Variants in ZNF777 observed in about 807,000 individuals in gnomAD.
ZNF777 encodes the protein zinc finger protein 777.
ZNF777 carries 7 observed loss-of-function variants against 72.1 expected under a neutral mutation model. That is an observed-to-expected ratio of 0.10 (90% CI 0.06 to 0.18). The LOEUF (loss-of-function observed/expected upper bound fraction) is 0.18. ZNF777 is among the 10% of genes least tolerant of loss of function. ZNF777 has a pLI of 1.00. For missense variants in ZNF777, 828 were observed against 1,128.6 expected (o/e 0.73, Z 3.82); for synonymous variants, 545 against 483.5 (o/e 1.13, Z -1.67).
At position 149,448,579 on chromosome 7, in the gene ZNF777, C is replaced by CA. The variant is rs1799655181; in HGVS notation, c.1087+2419_1087+2420insT. Among the ~76,000 whole-genome samples the CA allele has an allele frequency of 2.4e-4, 28 of 115,056 alleles. No homozygotes were observed. In the South Asian group the frequency reaches 6.1e-3, roughly 25 times the overall value. 75.5% of individuals were successfully genotyped at this position (115,056 alleles called of 152,430 possible). ...TATAGTTATATAGTTATACATATAA[C>CA]TATATATATATATATATATATATAT... is the stretch of plus-strand genomic sequence containing the variant. On this transcript the variant is annotated intron_variant, in intron 4 of 5. Coordinates refer to ENST00000247930, the MANE Select transcript of ZNF777 (RefSeq NM_015694.3).
At position 149,431,768 on chromosome 7, in the gene ZNF777, G is replaced by C. The variant is rs1226670060; in HGVS notation, c.*8C>G. On this transcript the variant is annotated 3_prime_UTR_variant, in exon 6 of 6. Coordinates refer to ENST00000247930, the MANE Select transcript of ZNF777 (RefSeq NM_015694.3). ...CACCTGGCCGGGCGGCGGCGGCGGGGCGCGCGCTCACTCGCCCGTGTGGGT... is the reference window on the plus strand; with the variant it reads ...CACCTGGCCGGGCGGCGGCGGCGGGCCGCGCGCTCACTCGCCCGTGTGGGT... The C allele has an allele frequency of 6.5e-7, 1 of 1,544,262 alleles. No individual in the cohort carries two copies. Among genetic ancestry groups the C allele is most frequent in the South Asian group, 1.2e-5 (1 of 84,500 alleles).
At chr7:149,459,758 G>A in intron 1 of ZNF777, 1 of 985,060 alleles carries the variant, frequency 1.0e-6, no homozygotes, top group East Asian at 1.1e-4. Context: ...GCCGCGCCCG[G>A]GCCGGGGAAG....
At chr7:149,451,213 G>A (rs752353203) in intron 3 of ZNF777, 101 bp from the exon 4 acceptor site, 12 of 1,032,438 alleles carry the variant, frequency 1.2e-5, no homozygotes, top group Admixed American at 4.0e-5. Context: ...GCAGCTCCTC[G>A]ACTGGAGACC....
Position 149,431,796 on chromosome 7 carries a change from G to A in ZNF777, c.2476C>T (p.Arg826Trp). The change falls in exon 6 of 6, where the codon CGG becomes TGG. Residue 826 changes from arginine to tryptophan, a missense_variant. Coordinates refer to ENST00000247930, the MANE Select transcript of ZNF777 (RefSeq NM_015694.3). ...CGCGCTCACTCGCCCGTGTGGGTCC[G>A]CAGGTGGTACTTGAGCGACTGCTTG... is the stretch of plus-strand genomic sequence containing the variant. ...RYKQSLKYHL[R>W]THTGE 2 of 1,597,234 alleles carry A rather than the reference G, an allele frequency of 1.3e-6. No individual in the cohort carries two copies. The highest frequency in any genetic ancestry group is 8.5e-7 in the Non-Finnish European group (1 of 1,177,696).
chr7:149,453,466 C>T (rs1430013413), intron 3 of ZNF777, among the ~76,000 whole-genome samples: 3 of 152,044 alleles, frequency 2.0e-5, no homozygotes, highest in African/African-American at 4.8e-5. Flanking sequence ...TACACACACA[C>T]ATATATATAT....
chr7:149,432,691 G>A lies in ZNF777; in HGVS notation c.1581C>T (p.Ser527=), dbSNP rs780645576. The change falls in exon 6 of 6, where the codon AGC becomes AGT. Residue 527 remains serine (S), a synonymous_variant. Transcript: ENST00000247930. ...GCTGGCTCGAGGCCCCGCGGTTCTC[G>A]CTCAGGTGCCGCTCACCGTGCACGG... is the stretch of plus-strand genomic sequence containing the variant. The part of the protein sequence containing the change: ...APSVHGERHL[S]ENRGASSQQQ... 5.0e-6 allele frequency: 8 copies of A among 1,612,730 alleles called. No individual in the cohort carries two copies. Among genetic ancestry groups the A allele is most frequent in the Non-Finnish European group, 6.8e-6 (8 of 1,179,600 alleles).
rs750432414 is a variant in ZNF777, at chr7:149,436,813, G to C, written c.1101C>G (p.Ile367Met). 1 of 1,610,554 alleles carries C rather than the reference G, an allele frequency of 6.2e-7. No homozygotes were observed. ...PTDPSAAHDG[I>M]VIKIEVQTND... ...TGGTCTGTACCTCGATCTTAATCAC[G>C]ATCCCATCGTGCGCTGAGAGAGGGT... The change falls in exon 5 of 6, where the codon ATC becomes ATG. Residue 367 changes from isoleucine (I) to methionine (M), a missense_variant. By Grantham distance (10) the Ile-to-Met change is conservative. Coordinates refer to ENST00000247930, the MANE Select transcript of ZNF777 (RefSeq NM_015694.3). This position sits in a 1 kb window ranked among gnomAD's most constrained non-coding sequence, Gnocchi z 5.0.
At chr7:149,435,336 A>G (rs1387531974) in intron 5 of ZNF777, among the ~76,000 whole-genome samples, 1 of 152,010 alleles carries the variant, frequency 6.6e-6, no homozygotes, top group Non-Finnish European at 1.5e-5. Flanking sequence ...ATTCCCGGCT[A>G]ATTTTTAATT....
chr7:149,459,717 C>A (rs1224419653), intron 1 of ZNF777: 1 of 985,014 alleles, frequency 1.0e-6, no homozygotes, highest in Non-Finnish European at 1.2e-6. Context: ...CTCAGTGTCT[C>A]CGTTCTGCGA....
Position 149,455,408 on chromosome 7 carries a change from C to A in ZNF777, c.615G>T (p.Arg205Ser). 6.2e-7 allele frequency: 1 copy of A among 1,614,234 alleles called. No individual in the cohort carries two copies. The highest frequency in any genetic ancestry group is 8.5e-7 in the Non-Finnish European group (1 of 1,180,050). ...VERKLEAQAM[R>S]LLTLEGRTGT... ...CCGTCCTGCCTTCCAGGGTCAGTAG[C>A]CTCATGGCCTGGGCCTCCAGCTTCC... The change falls in exon 2 of 6, where the codon AGG becomes AGT. Residue 205 changes from arginine (R) to serine (S), a missense_variant. This residue lies in a region of ZNF777 where 76 missense variants were observed against 157.3 expected (regional missense o/e 0.48). Transcript: ENST00000247930. This position sits in a 1 kb window ranked among gnomAD's most constrained non-coding sequence, Gnocchi z 4.2.
At chr7:149,449,492 A>G (rs1262920353) in intron 4 of ZNF777, among the ~76,000 whole-genome samples, 1 of 152,230 alleles carries the variant, frequency 6.6e-6, no homozygotes, top group Admixed American at 6.5e-5. Context: ...AGCCCTTCCA[A>G]GAAAATTCTA....
At chr7:149,446,850 C>T (rs547781077) in intron 4 of ZNF777, among the ~76,000 whole-genome samples, 11 of 152,312 alleles carry the variant, frequency 7.2e-5, no homozygotes, top group African/African-American at 2.4e-4. Flanking sequence ...AAGGTACCAA[C>T]GTTTGTCTTC....
In ZNF777 at chr7:149,455,904, G is replaced by C; in HGVS notation, c.119C>G (p.Pro40Arg). The part of the protein sequence containing the change: ...ETLFQSRVLP[P>R]KEIPSLSPTI... ...GGGAGACAAAGAAGGAATTTCTTTGGGAGGAAGAACGCGGGATTGGAACAG... is the reference window on the plus strand; with the variant it reads ...GGGAGACAAAGAAGGAATTTCTTTGCGAGGAAGAACGCGGGATTGGAACAG... Residue 40 changes from proline (P) to arginine (R), a missense_variant, in exon 2 of 6, where the codon CCC becomes CGC. By Grantham distance (103) the Pro-to-Arg change is moderately radical. Around this residue, in one of 12 missense-constraint regions of ZNF777, gnomAD observed 222 missense variants for 211.2 expected, o/e 1.05. Transcript: ENST00000247930. This position sits in a 1 kb window ranked among gnomAD's most constrained non-coding sequence, Gnocchi z 4.2. The C allele has an allele frequency of 1.2e-6, 2 of 1,613,938 alleles. No individual in the cohort carries two copies. Among genetic ancestry groups the C allele is most frequent in the Non-Finnish European group, 1.7e-6 (2 of 1,179,994 alleles).
chr7:149,447,148 G>C (rs978070568), intron 4 of ZNF777, among the ~76,000 whole-genome samples: 17 of 152,026 alleles, frequency 1.1e-4, no homozygotes, highest in African/African-American at 4.1e-4. Context: ...TAACATCCGG[G>C]CCCCATCATG....
chr7:149,436,763 T>G lies in ZNF777; in HGVS notation c.1151A>C (p.Glu384Ala). The change falls in exon 5 of 6, where the codon GAG (glutamate) becomes GCG (alanine). Residue 384 changes from glutamate (E) to alanine (A), a missense_variant. Physicochemically the swap from Glu to Ala is moderately radical, Grantham distance 107. Around this residue, in one of 12 missense-constraint regions of ZNF777, gnomAD observed 219 missense variants for 223.0 expected, o/e 0.98. Transcript: ENST00000247930. The surrounding 1 kb of genome is among the most constrained non-coding windows in gnomAD (Gnocchi z 5.0). ...CTGTCCCATCAGGGGCTCAGGTGTC[T>G]CCAAACTTTCTGAGCCCTCGTCGTT... ...QTNDEGSESL[E>A]TPEPLMGQVE... The G allele has an allele frequency of 6.2e-7, 1 of 1,614,134 alleles. No individual in the cohort carries two copies. Among genetic ancestry groups the G allele is most frequent in the South Asian group, 1.1e-5 (1 of 91,078 alleles).
chr7:149,432,387 C>CGCT lies in ZNF777; in HGVS notation c.1882_1884dup (p.Ser628dup). 6.2e-7 allele frequency: 1 copy of CGCT among 1,613,310 alleles called. No homozygotes were observed. The highest frequency in any genetic ancestry group is 8.5e-7 in the Non-Finnish European group (1 of 1,179,968). ...TTGTAGGGCTTAGGGCCACCGCCGC[C>CGCT]GCTACCAGAGCTGGGTGACTTGGGA... On this transcript the variant is annotated inframe_insertion, in exon 6 of 6. Coordinates refer to ENST00000247930, the MANE Select transcript of ZNF777 (RefSeq NM_015694.3).
intron 1 of ZNF777, among the ~76,000 whole-genome samples, chr7:149,458,721 A>G (rs1799883013): frequency 6.6e-6 from 1 of 152,240 alleles, no homozygotes; most frequent in Admixed American, 6.5e-5. Context: ...CCTCCCAAAT[A>G]AAAGCCCTTT....
intron 4 of ZNF777, among the ~76,000 whole-genome samples, chr7:149,442,828 C>A (rs1479267959): frequency 6.6e-6 from 1 of 152,096 alleles, no homozygotes. Context: ...CAACATCACC[C>A]TTATGGAAAG....
At position 149,454,200 on chromosome 7, in the gene ZNF777, G is replaced by A. The variant is rs780874721; in HGVS notation, c.884C>T (p.Ser295Leu). 3.1e-6 allele frequency: 5 copies of A among 1,614,028 alleles called. No individual in the cohort carries two copies. The highest frequency in any genetic ancestry group is 2.2e-5 in the East Asian group (1 of 44,898). ...VTFDDVAVHF[S>L]EQEWGNLSEW... ...AGACAGGTTTCCCCACTCCTGCTCC[G>A]AGAAGTGCACAGCAACATCATCAAA... Residue 295 changes from serine to leucine, a missense_variant, in exon 3 of 6, where the codon TCG (serine) becomes TTG (leucine). By Grantham distance (145) the Ser-to-Leu change is moderately radical. Transcript: ENST00000247930.
Sources: gnomAD v4.1 joint callset for allele counts (sites outside exome capture counted in the v4.1 genomes callset) on GRCh38, gnomAD v4.1.1 for gene constraint, gnomAD v4.1.1 regional missense constraint, Gnocchi (gnomAD v3.1) non-coding constraint, MANE v1.5 for transcripts, NCBI Gene and HGNC (gene_info 2026-07-23, HGNC 2026-07-21) for gene names.